TRIM63: variants seen among roughly 807,000 people sequenced by gnomAD.
TRIM63 encodes the protein E3 ubiquitin-protein ligase TRIM63.
Under a neutral mutation model 46.0 loss-of-function variants are expected in TRIM63, and 48 were observed. The ratio of observed to expected loss-of-function variants is 1.04; its 90% CI spans 0.83 to 1.33. The LOEUF is 1.33. TRIM63 is among the 40% of genes most tolerant of loss of function. The probability of loss-of-function intolerance (pLI) is 0.00; values close to 1 mark genes in which losing one functional copy is unlikely to be tolerated. For missense variants in TRIM63, 455 were observed against 441.2 expected, an observed-to-expected ratio of 1.03 and a Z score of -0.28; for synonymous variants, 175 against 162.8, an observed-to-expected ratio of 1.08 and a Z score of -0.57.
At chr1:26,052,437 G>A (rs1275729527) in intron 8 of TRIM63, among the ~76,000 whole-genome samples, 1 of 152,142 alleles carries the variant, frequency 6.6e-6, no homozygotes, top group African/African-American at 2.4e-5. Flanking sequence ...TGGGCAAACT[G>A]GCAAGGGCAT....
chr1:26,066,838 C>T (rs61775416), intron 1 of TRIM63, among the ~76,000 whole-genome samples: 22,763 of 151,958 alleles, frequency 0.15, 1,845 homozygotes, highest in Middle Eastern at 0.24. Flanking sequence ...TCCTGCCTCC[C>T]AGCCAGGACA....
At chr1:26,060,419 C>G in intron 3 of TRIM63, 58 bp from the exon 4 acceptor site, 1 of 1,375,208 alleles carries the variant, frequency 7.3e-7, no homozygotes, top group East Asian at 2.3e-5. Flanking sequence ...AGGGCCTACC[C>G]ACTGGGGCAT....
rs2050622165 is a variant in TRIM63, at chr1:26,061,177, G to A, written c.490C>T (p.Gln164Ter). The change falls in exon 3 of 9, where the codon CAG becomes TAG. Residue 164 changes from glutamine (Q) to a stop codon, truncating the protein, a stop_gained. Transcript: ENST00000374272. LOFTEE classifies it high-confidence loss of function. The stretch of plus-strand genomic sequence containing the variant: ...GCTGGAGACAGTACCTTTTGTCCCT[G>A]GAAGACACTCTGCAATGGGGCCACC... ...CEVAPLQSVF[Q>*]GQKTELNNCI... The A allele has an allele frequency of 6.2e-7, 1 of 1,613,814 alleles. No individual in the cohort carries two copies. Among genetic ancestry groups the A allele is most frequent in the African/African-American group, 1.3e-5 (1 of 74,908 alleles).
chr1:26,066,189 G>A, intron 2 of TRIM63, 79 bp downstream of exon 2: 1 of 1,503,314 alleles, frequency 6.7e-7, no homozygotes, highest in Non-Finnish European at 9.2e-7. Context: ...GCAGATGAAG[G>A]AGGGGGAAGG....
In TRIM63 at chr1:26,067,339, G is replaced by A; in HGVS notation, c.156C>T (p.Phe52=). 1 of 1,613,924 alleles carries A rather than the reference G, an allele frequency of 6.2e-7. No homozygotes were observed. Among genetic ancestry groups the A allele is most frequent in the Non-Finnish European group, 8.5e-7 (1 of 1,180,010 alleles). ...TGAAGCTGCACCCGGCACTTACCTGGAAGATGTCATTGGCACACTTCCGGC... is the reference window on the plus strand; with the variant it reads ...TGAAGCTGCACCCGGCACTTACCTGAAAGATGTCATTGGCACACTTCCGGC... ...NLCRKCANDI[F]QAANPYWTSR... The change falls in exon 1 of 9, where the codon TTC becomes TTT. Residue 52 remains phenylalanine, a synonymous_variant. Coordinates refer to ENST00000374272, the MANE Select transcript of TRIM63 (RefSeq NM_032588.4).
At chr1:26,056,559 G>A (rs1280692829) in intron 7 of TRIM63, among the ~76,000 whole-genome samples, 1 of 152,064 alleles carries the variant, frequency 6.6e-6, no homozygotes, top group Non-Finnish European at 1.5e-5. Context: ...AGGCAGAAGG[G>A]GGCTTGCCAA....
intron 5 of TRIM63, among the ~76,000 whole-genome samples, chr1:26,057,863 G>T (rs140249330): frequency 8.7e-4 from 133 of 152,260 alleles, no homozygotes; most frequent in African/African-American, 2.9e-3. Context: ...AGGACCCACT[G>T]TCTTGACAGG....
In TRIM63 at chr1:26,066,425, A is replaced by T; in HGVS notation, c.175T>A (p.Trp59Arg). 6.3e-7 allele frequency: 1 copy of T among 1,591,586 alleles called. No homozygotes were observed. The change falls in exon 2 of 9, where the codon TGG becomes AGG. Residue 59 changes from tryptophan (W) to arginine (R), a missense_variant. Transcript: ENST00000374272. The stretch of plus-strand genomic sequence containing the variant: ...GACACTGAGCTGCCCCGGCTGGTCC[A>T]GTAGGGATTTGCAGCCTGCAGGTGG... ...NDIFQAANPY[W>R]TSRGSSVSMS...
At position 26,061,241 on chromosome 1, in the gene TRIM63, G is replaced by C; in HGVS notation, c.426C>G (p.Cys142Trp). 1 of 1,614,196 alleles carries C rather than the reference G, an allele frequency of 6.2e-7. No homozygotes were observed. Among genetic ancestry groups the C allele is most frequent in the Non-Finnish European group, 8.5e-7 (1 of 1,180,030 alleles). Residue 142 changes from cysteine (C) to tryptophan (W), a missense_variant, in exon 3 of 9, where the codon TGC (cysteine) becomes TGG (tryptophan). By Grantham distance (215) the Cys-to-Trp change is radical (BLOSUM62 -2). Transcript: ENST00000374272. ...IYCLTCEVPTCSMCKVFGIHK... is the reference protein window; with the variant it reads ...IYCLTCEVPTWSMCKVFGIHK... ...GGATCCCAAACACCTTGCACATGGAGCAGGTGGGCACCTCACACGTGAGAC... is the reference window on the plus strand; with the variant it reads ...GGATCCCAAACACCTTGCACATGGACCAGGTGGGCACCTCACACGTGAGAC...
In TRIM63 at chr1:26,051,833, A is replaced by G; in HGVS notation, c.*40T>C. ...CGCTGGGCCCCTCCCCACCCTCTCC[A>G]GTCTCTCTGCATCTGGGGGCCTCTC... On this transcript the variant is annotated 3_prime_UTR_variant, in exon 9 of 9. Transcript: ENST00000374272. 1 of 1,079,778 alleles carries G rather than the reference A, an allele frequency of 9.3e-7. No individual in the cohort carries two copies. 66.9% of individuals were successfully genotyped at this position (1,079,778 alleles called of 1,614,324 possible).
intron 7 of TRIM63, among the ~76,000 whole-genome samples, chr1:26,054,376 A>G (rs765120511): frequency 1.1e-4 from 16 of 152,162 alleles, no homozygotes; most frequent in Non-Finnish European, 2.1e-4. Context: ...GAAGGAAGCT[A>G]CTTAGCCTAT....
chr1:26,055,503 ATTTC>A (rs1278963521), intron 7 of TRIM63, among the ~76,000 whole-genome samples: 1 of 139,806 alleles, frequency 7.2e-6, no homozygotes, highest in Non-Finnish European at 1.6e-5. Flanking sequence ...TTGAATATCT[ATTTC>A]TTTCTTTTTT....
At position 26,058,571 on chromosome 1, in the gene TRIM63, TACA is replaced by T. The variant is rs755717337; in HGVS notation, c.647_649del (p.Leu216del). 3 of 1,614,208 alleles carry T rather than the reference TACA, an allele frequency of 1.9e-6. No individual in the cohort carries two copies. In the Admixed American group the frequency reaches 5.0e-5, roughly 27 times the overall value. On this transcript the variant is annotated inframe_deletion, in exon 5 of 9. Transcript: ENST00000374272. The stretch of plus-strand genomic sequence containing the variant: ...ACTTTTCTTCTCATCCAGGATGGCA[TACA>T]ACGTGTCAAACTTCTGGCTCAGCTC...
Position 26,057,213 on chromosome 1 carries a change from G to T in TRIM63, c.969C>A (p.Asp323Glu). 1 of 1,614,174 alleles carries T rather than the reference G, an allele frequency of 6.2e-7. No individual in the cohort carries two copies. Among genetic ancestry groups the T allele is most frequent in the Non-Finnish European group, 8.5e-7 (1 of 1,180,022 alleles). Residue 323 changes from aspartate (D) to glutamate (E), a missense_variant, in exon 7 of 9, where the codon GAC (aspartate) becomes GAA (glutamate). Physicochemically the swap from Asp to Glu is conservative, Grantham distance 45. Transcript: ENST00000374272. ...CACCACCTCCTTTACCTGTCCCAAA[G>T]TCAATGGCTCTCAGGGCGTCTGCTA... ...EHIADALRAIDFGTDEEEEEF... is the reference protein window; with the variant it reads ...EHIADALRAIEFGTDEEEEEF...
At chr1:26,056,046 G>C (rs181899225) in intron 7 of TRIM63, among the ~76,000 whole-genome samples, 17 of 152,254 alleles carry the variant, frequency 1.1e-4, no homozygotes, top group African/African-American at 4.1e-4. Context: ...GCCATTTACA[G>C]TTCTTCCTTG....
In TRIM63 at chr1:26,058,389, C is replaced by G; in HGVS notation, c.831+1G>C. The G allele has an allele frequency of 6.2e-7, 1 of 1,613,762 alleles. No homozygotes were observed. The highest frequency in any genetic ancestry group is 8.5e-7 in the Non-Finnish European group (1 of 1,179,896). On this transcript the variant is annotated splice_donor_variant, in intron 5 of 8. Transcript: ENST00000374272. LOFTEE classifies it high-confidence loss of function. ...ACCCAGACCCTTCTAGTCCTGCTCACCAAGAGGAAGGTGGCTCCCCCAGGC... is the reference window on the plus strand; with the variant it reads ...ACCCAGACCCTTCTAGTCCTGCTCAGCAAGAGGAAGGTGGCTCCCCCAGGC...
intron 8 of TRIM63, 51 bp from the exon 9 acceptor site, chr1:26,051,934 A>G (rs762218050): frequency 1.1e-5 from 14 of 1,299,848 alleles, no homozygotes; most frequent in Non-Finnish European, 1.4e-5. Flanking sequence ...GGGACTCAGG[A>G]GGATCCAAGG....
chr1:26,062,441 A>G (rs1256277457), intron 2 of TRIM63, among the ~76,000 whole-genome samples: 1 of 152,148 alleles, frequency 6.6e-6, no homozygotes, highest in Non-Finnish European at 1.5e-5. Context: ...TCTTAGCTTC[A>G]CCACTTTCTA....
At chr1:26,064,712 A>G (rs780476550) in intron 2 of TRIM63, among the ~76,000 whole-genome samples, 2 of 152,236 alleles carry the variant, frequency 1.3e-5, no homozygotes, top group African/African-American at 4.8e-5. Context: ...CCACAATAAC[A>G]GATCTTACTG....
Sources: gnomAD v4.1 joint callset for allele counts (sites outside exome capture counted in the v4.1 genomes callset) on GRCh38, gnomAD v4.1.1 for gene constraint, MANE v1.5 for transcripts, NCBI Gene and HGNC (gene_info 2026-07-23, HGNC 2026-07-21) for gene names.